Variants in ACER3 observed in about 807,000 individuals in gnomAD.
ACER3 encodes the protein alkaline ceramidase 3, also known as alkCDase 3.
A neutral mutation model predicts 48.9 loss-of-function variants in ACER3; 16 were observed. The observed-to-expected ratio is 0.33, with a 90% CI of 0.22 to 0.50. ACER3 has a LOEUF of 0.50. ACER3 is among the 20% of genes least tolerant of loss of function. The probability of loss-of-function intolerance (pLI) is 0.98; values close to 1 mark genes in which losing one functional copy is unlikely to be tolerated. For missense variants in ACER3, 227 were observed against 326.0 expected (o/e 0.70, Z 2.34); for synonymous variants, 109 against 107.8 (o/e 1.01, Z -0.07).
intron 1 of ACER3, among the ~76,000 whole-genome samples, chr11:76,908,662 G>A (rs1946295623): frequency 1.3e-5 from 2 of 152,056 alleles, no homozygotes; most frequent in Non-Finnish European, 2.9e-5. Flanking sequence ...TGTGAAAATG[G>A]CCATACTGCC....
Position 76,959,001 on chromosome 11 carries a change from C to T in ACER3, c.237C>T (p.Cys79=). Reference sequence around the variant, plus strand: ...CAGTGGTAGGAATGGGATCCTGGTGCTTCCACATGACTCTGAAATATGAAA... The same window carrying T: ...CAGTGGTAGGAATGGGATCCTGGTGTTTCCACATGACTCTGAAATATGAAA... ...ALTVVGMGSW[C]FHMTLKYEMQ... is the part of the protein sequence containing the mutation. The change falls in exon 3 of 11, where the codon TGC becomes TGT. Residue 79 remains cysteine (C), a synonymous_variant. Coordinates refer to ENST00000532485, the MANE Select transcript of ACER3 (RefSeq NM_018367.7). The T allele has an allele frequency of 6.2e-7, 1 of 1,613,968 alleles. No individual in the cohort carries two copies. Among genetic ancestry groups the T allele is most frequent in the South Asian group, 1.1e-5 (1 of 91,082 alleles).
chr11:76,952,822 C>T (rs1471142663), intron 2 of ACER3, among the ~76,000 whole-genome samples: 9 of 151,492 alleles, frequency 5.9e-5, no homozygotes, highest in African/African-American at 2.2e-4. Flanking sequence ...CCTGTCACCA[C>T]ACCTGGCTAA....
intron 2 of ACER3, among the ~76,000 whole-genome samples, chr11:76,927,434 T>A (rs1483602920): frequency 3.4e-5 from 5 of 147,488 alleles, no homozygotes; most frequent in Non-Finnish European, 7.5e-5. Context: ...TTTCTAGTAG[T>A]TTCATTTCTT....
rs782619125 is a variant in ACER3 at position 77,020,279 on chromosome 11, C to G, written c.756C>G (p.Leu252=). ...CCTAATTTGTCCCCAAACAGTTTCT[C>G]TTTGGAATCTGGCCAGTGATCCTGT... ...YLRYRPKVKF[L]FGIWPVILFE... is the part of the protein sequence containing the mutation. The change falls in exon 11 of 11, where the codon CTC becomes CTG. Residue 252 remains leucine (L), a synonymous_variant. Transcript: ENST00000532485. 6.2e-7 allele frequency: 1 copy of G among 1,613,740 alleles called. No homozygotes were observed. Among genetic ancestry groups the G allele is most frequent in the Non-Finnish European group, 8.5e-7 (1 of 1,179,896 alleles).
chr11:76,971,243 T>A (rs1948290519), intron 3 of ACER3, among the ~76,000 whole-genome samples: 1 of 152,154 alleles, frequency 6.6e-6, no homozygotes. Context: ...GATTTGAGTC[T>A]ATAAAACACA....
intron 1 of ACER3, among the ~76,000 whole-genome samples, chr11:76,879,200 C>G (rs895859989): frequency 1.3e-5 from 2 of 151,876 alleles, no homozygotes; most frequent in African/African-American, 4.8e-5. Flanking sequence ...ATGGTTATTG[C>G]TTTTCATAGC....
At chr11:76,910,032 A>G (rs971449267) in intron 1 of ACER3, among the ~76,000 whole-genome samples, 5 of 150,876 alleles carry the variant, frequency 3.3e-5, no homozygotes, top group Admixed American at 2.6e-4. Context: ...AGAAAATCAA[A>G]CACCACATGT....
intron 1 of ACER3, among the ~76,000 whole-genome samples, chr11:76,870,962 G>A (rs995743138): frequency 6.6e-6 from 1 of 152,168 alleles, no homozygotes; most frequent in African/African-American, 2.4e-5. Context: ...TTCTATGAGT[G>A]TATTTCCTGA....
At chr11:76,958,266 A>C (rs1252822292) in intron 2 of ACER3, among the ~76,000 whole-genome samples, 1 of 147,764 alleles carries the variant, frequency 6.8e-6, no homozygotes, top group African/African-American at 2.5e-5. Flanking sequence ...AGCTCACTGC[A>C]ACCTCCTTCT....
chr11:77,014,156 A>G (rs566266830), intron 7 of ACER3, among the ~76,000 whole-genome samples: 42 of 152,346 alleles, frequency 2.8e-4, no homozygotes, highest in African/African-American at 9.4e-4. Context: ...GCTATAAAAC[A>G]TAGGTAAGCT....
chr11:76,996,306 T>TA (rs1948908142), intron 6 of ACER3, among the ~76,000 whole-genome samples: 2 of 152,130 alleles, frequency 1.3e-5, no homozygotes, highest in African/African-American at 4.8e-5. Flanking sequence ...CAGTCTCACC[T>TA]CCCTCTCTTT....
In ACER3 at chr11:76,860,932, C is replaced by T. The variant is rs369558733; in HGVS notation, c.-45C>T. Reference sequence around the variant, plus strand: ...GAGCCGGCCTGGTCGCCAGCCTAACCCGGCACAGTGAGCGGAGCGCCTGGG... The same window carrying T: ...GAGCCGGCCTGGTCGCCAGCCTAACTCGGCACAGTGAGCGGAGCGCCTGGG... On this transcript the variant is annotated 5_prime_UTR_variant, in exon 1 of 11. Transcript: ENST00000532485. 2 of 1,435,584 alleles carry T rather than the reference C, an allele frequency of 1.4e-6. No homozygotes were observed. The highest frequency in any genetic ancestry group is 2.7e-5 in the East Asian group (1 of 36,858). 88.9% of individuals were successfully genotyped at this position (1,435,584 alleles called of 1,614,324 possible).
intron 3 of ACER3, among the ~76,000 whole-genome samples, chr11:76,969,161 G>T (rs1948224129): frequency 6.6e-6 from 1 of 152,156 alleles, no homozygotes; most frequent in Non-Finnish European, 1.5e-5. Context: ...CTCAAAAGAA[G>T]ACATTTATGC....
intron 1 of ACER3, among the ~76,000 whole-genome samples, chr11:76,874,460 T>G (rs1945318993): frequency 6.6e-6 from 1 of 151,560 alleles, no homozygotes. Flanking sequence ...TCCTTACCTG[T>G]GGTGATTAGT....
At chr11:76,884,152 A>G (rs1428024510) in intron 1 of ACER3, among the ~76,000 whole-genome samples, 1 of 152,148 alleles carries the variant, frequency 6.6e-6, no homozygotes. Flanking sequence ...GACTGTGAGC[A>G]TGTGCAGTTT....
At chr11:76,880,373 G>A (rs1273152321) in intron 1 of ACER3, among the ~76,000 whole-genome samples, 2 of 152,158 alleles carry the variant, frequency 1.3e-5, no homozygotes, top group Non-Finnish European at 2.9e-5. Context: ...AGATGTGTGG[G>A]GATTTCTCCC....
chr11:76,867,468 C>CAA (rs1156610809), intron 1 of ACER3, among the ~76,000 whole-genome samples: 751 of 19,608 alleles, frequency 0.038, 125 homozygotes, highest in African/African-American at 0.11. Context: ...GACTCTGTCT[C>CAA]AAAAAAAAAA....
intron 1 of ACER3, among the ~76,000 whole-genome samples, chr11:76,882,036 G>A (rs181351985): frequency 1.1e-4 from 14 of 130,924 alleles, no homozygotes; most frequent in Non-Finnish European, 1.9e-4. Context: ...ATGGAGTCTC[G>A]CTCTGTTGTT....
At chr11:76,999,052 T>A (rs1555019244) in intron 7 of ACER3, among the ~76,000 whole-genome samples, 1 of 152,026 alleles carries the variant, frequency 6.6e-6, no homozygotes. Context: ...ATGGGAAAAT[T>A]AAAGAGAGCT....
Sources: allele counts gnomAD v4.1 joint callset (sites outside exome capture counted in the v4.1 genomes callset), GRCh38; gene constraint gnomAD v4.1.1; transcripts MANE v1.5; gene names NCBI Gene and HGNC (gene_info 2026-07-23, HGNC 2026-07-21).